Variants in PGGT1B observed in about 807,000 individuals in gnomAD.
PGGT1B encodes geranylgeranyl transferase type-1 subunit beta.
A neutral mutation model predicts 46.1 loss-of-function variants in PGGT1B; 30 were observed. That is an observed-to-expected ratio of 0.65 (90% CI 0.49 to 0.88). The LOEUF (loss-of-function observed/expected upper bound fraction) is 0.88, where lower values mean the gene tolerates loss of function less well. PGGT1B is among the 40% of genes least tolerant of loss of function. PGGT1B has a pLI of 0.00. For synonymous variants in PGGT1B, 170 were observed against 160.0 expected (o/e 1.06, Z -0.47); for missense variants, 376 against 455.9 (o/e 0.82, Z 1.60).
At chr5:115,245,296 A>C (rs940537264) in intron 2 of PGGT1B, among the ~76,000 whole-genome samples, 2 of 152,250 alleles carry the variant, frequency 1.3e-5, no homozygotes, top group Non-Finnish European at 2.9e-5. Flanking sequence ...GAATCAGTAA[A>C]TGACATTTCT....
intron 1 of PGGT1B, among the ~76,000 whole-genome samples, chr5:115,261,828 T>C (rs1438993473): frequency 6.6e-6 from 1 of 152,180 alleles, no homozygotes; most frequent in Admixed American, 6.5e-5. Context: ...CACTAACATA[T>C]AGCACAGAAC....
chr5:115,236,552 T>G, intron 4 of PGGT1B, 30 bp from the exon 5 acceptor site: 1 of 1,482,460 alleles, frequency 6.7e-7, no homozygotes, highest in Non-Finnish European at 9.0e-7. Context: ...TATGATTTTC[T>G]ATTAACACTG....
intron 2 of PGGT1B, among the ~76,000 whole-genome samples, chr5:115,242,851 C>T (rs1284562238): frequency 6.6e-6 from 1 of 152,048 alleles, no homozygotes; most frequent in Non-Finnish European, 1.5e-5. Flanking sequence ...CCTGTAATCC[C>T]AGCTACTGGG....
intron 5 of PGGT1B, among the ~76,000 whole-genome samples, chr5:115,233,326 G>A (rs1757055871): frequency 6.6e-6 from 1 of 151,216 alleles, no homozygotes; most frequent in African/African-American, 2.4e-5. Context: ...AGAAATAGAA[G>A]AAAAAGACAA....
chr5:115,219,300 T>C (rs926949499), intron 7 of PGGT1B, among the ~76,000 whole-genome samples: 1 of 151,762 alleles, frequency 6.6e-6, no homozygotes, highest in African/African-American at 2.4e-5. Context: ...ACCTCACATA[T>C]ATATAGTCAA....
intron 2 of PGGT1B, among the ~76,000 whole-genome samples, chr5:115,243,116 T>C (rs1348831026): frequency 6.6e-6 from 1 of 152,258 alleles, no homozygotes; most frequent in Non-Finnish European, 1.5e-5. Flanking sequence ...AGTCAAATTA[T>C]GGTTCTCTTA....
chr5:115,238,142 T>G (rs1469180087), intron 3 of PGGT1B, 133 bp from the exon 4 acceptor site: 1 of 515,192 alleles, frequency 1.9e-6, no homozygotes, highest in African/African-American at 2.0e-5. Context: ...GACATCTTAT[T>G]GAGAAAAACA....
At chr5:115,246,701 G>C (rs1414959286) in intron 2 of PGGT1B, among the ~76,000 whole-genome samples, 2 of 152,062 alleles carry the variant, frequency 1.3e-5, no homozygotes, top group African/African-American at 4.8e-5. Context: ...CCCCTCCCAT[G>C]CCTGTTAAAA....
intron 1 of PGGT1B, among the ~76,000 whole-genome samples, chr5:115,261,080 T>A (rs952117962): frequency 6.6e-6 from 1 of 152,234 alleles, no homozygotes; most frequent in Non-Finnish European, 1.5e-5. Flanking sequence ...GCACATTATG[T>A]ATCAATAACA....
At chr5:115,253,709 C>G (rs1477546955) in intron 1 of PGGT1B, among the ~76,000 whole-genome samples, 4 of 151,870 alleles carry the variant, frequency 2.6e-5, no homozygotes, top group Non-Finnish European at 5.9e-5. Flanking sequence ...AAGGTGTTCA[C>G]AAATAACATG....
At chr5:115,240,965 G>A (rs1044660023) in intron 3 of PGGT1B, among the ~76,000 whole-genome samples, 1 of 152,204 alleles carries the variant, frequency 6.6e-6, no homozygotes, top group African/African-American at 2.4e-5. Context: ...TCCTCCCTCT[G>A]TTAGGACTCA....
rs754350399 is a variant in PGGT1B, at chr5:115,253,235, G to A, written c.161C>T (p.Ala54Val). ...ATCCAACATATCCAGCCCGGAGAGT[G>A]CAAAAAATGCAATTGTCAACCTAAA... ...ETSRLTIAFF[A>V]LSGLDMLDSL... The change falls in exon 2 of 9, where the codon GCA becomes GTA. Residue 54 changes from alanine (A) to valine (V), a missense_variant. This residue lies in a region of PGGT1B where 154 missense variants were observed against 142.3 expected (regional missense o/e 1.08). Transcript: ENST00000419445. 1 of 1,572,592 alleles carries A rather than the reference G, an allele frequency of 6.4e-7. No individual in the cohort carries two copies. Among genetic ancestry groups the A allele is most frequent in the Non-Finnish European group, 8.6e-7 (1 of 1,165,210 alleles).
rs539378969 is a variant in PGGT1B at position 115,247,516 on chromosome 5, C to T, written c.259+5621G>A. Among the ~76,000 whole-genome samples the T allele has an allele frequency of 1.6e-4, 24 of 152,178 alleles. No individual in the cohort carries two copies. In the South Asian group the frequency reaches 5.0e-3, roughly 32 times the overall value. The stretch of plus-strand genomic sequence containing the variant: ...AGAATTCAAGTGAGGAATGTGGCTA[C>T]TTTCTGATTTTAAAATGAACATTTA... On this transcript the variant is annotated intron_variant, in intron 2 of 8. Coordinates refer to ENST00000419445, the MANE Select transcript of PGGT1B (RefSeq NM_005023.4).
chr5:115,262,381 A>G, intron 1 of PGGT1B: 1 of 313,820 alleles, frequency 3.2e-6, no homozygotes. Flanking sequence ...ACGACGACAA[A>G]CTTTGTCCTT....
intron 6 of PGGT1B, among the ~76,000 whole-genome samples, chr5:115,228,944 A>G (rs929731672): frequency 2.6e-5 from 4 of 152,188 alleles, no homozygotes; most frequent in African/African-American, 9.6e-5. Flanking sequence ...AGAACAAGTC[A>G]TTTGTGAAGA....
intron 3 of PGGT1B, among the ~76,000 whole-genome samples, chr5:115,240,236 C>T (rs1019110737): frequency 1.1e-4 from 16 of 152,018 alleles, no homozygotes; most frequent in Non-Finnish European, 1.8e-4. Flanking sequence ...GAACCAAGGG[C>T]AATAATGGTT....
chr5:115,252,507 T>C (rs912958969), intron 2 of PGGT1B, among the ~76,000 whole-genome samples: 2 of 152,030 alleles, frequency 1.3e-5, no homozygotes, highest in Non-Finnish European at 2.9e-5. Flanking sequence ...TTAGAATTTA[T>C]AACATGTATA....
chr5:115,225,045 CATT>C lies in PGGT1B; in HGVS notation c.659-3040_659-3038del, dbSNP rs369220347. ...TCAAAATATTTCAAGAATACTATAT[CATT>C]ATATTAAAAGTACAATACTAGAATT... On this transcript the variant is annotated intron_variant, in intron 6 of 8. Transcript: ENST00000419445. Among the ~76,000 whole-genome samples the C allele has an allele frequency of 3.0e-3, 458 of 152,040 alleles. 4 individuals are homozygous for C. The highest frequency in any genetic ancestry group is 0.01 in the Middle Eastern group (3 of 294).
At chr5:115,242,753 G>A (rs1232406627) in intron 2 of PGGT1B, among the ~76,000 whole-genome samples, 1 of 152,146 alleles carries the variant, frequency 6.6e-6, no homozygotes, top group Non-Finnish European at 1.5e-5. Flanking sequence ...GATCACCTGA[G>A]GTCAGGAGTT....
Sources: allele counts gnomAD v4.1 joint callset (sites outside exome capture counted in the v4.1 genomes callset), GRCh38; gene constraint gnomAD v4.1.1; regional missense constraint gnomAD v4.1.1; transcripts MANE v1.5; gene names NCBI Gene and HGNC (gene_info 2026-07-23, HGNC 2026-07-21).